BRCC3: variants seen among roughly 807,000 people sequenced by gnomAD.
The protein encoded by BRCC3 is lys-63-specific deubiquitinase BRCC36.
Under a neutral mutation model 28.0 loss-of-function variants are expected in BRCC3, and 15 were observed. The observed-to-expected ratio is 0.54, with a 90% CI of 0.36 to 0.82. The LOEUF is 0.82. BRCC3 is among the 40% of genes least tolerant of loss of function. BRCC3 has a pLI of 0.01. For synonymous variants in BRCC3, 66 were observed against 80.3 expected (o/e 0.82, Z 0.95); for missense variants, 109 against 225.9 (o/e 0.48, Z 3.32).
chrX:155,099,510 T>G, intron 7 of BRCC3: 12 of 980,033 alleles, frequency 1.2e-5, no homozygotes, highest in African/African-American at 3.8e-5. Context: ...CAAGTGGCCA[T>G]ACCTAAGCTG....
chrX:155,074,017 A>G (rs1002969691), intron 3 of BRCC3, among the ~76,000 whole-genome samples: 4 of 111,327 alleles, frequency 3.6e-5, no homozygotes, highest in African/African-American at 1.3e-4. Flanking sequence ...CCCTCCTCCC[A>G]CCAAGTTATC....
At chrX:155,100,364 A>G (rs1439799991) in intron 7 of BRCC3, among the ~76,000 whole-genome samples, 2 of 112,440 alleles carry the variant, frequency 1.8e-5, no homozygotes, top group Non-Finnish European at 3.8e-5. Flanking sequence ...TTACATCCAT[A>G]TAACAGAAGA....
rs2074390685 is a variant in BRCC3, at chrX:155,121,994, A to C, written c.*790A>C. 1 of 110,257 alleles carries C rather than the reference A, an allele frequency of 9.1e-6. No homozygotes were observed. Among genetic ancestry groups the C allele is most frequent in the Non-Finnish European group, 1.9e-5 (1 of 52,834 alleles). The allele number at this position is 110,257 out of a possible 1,213,427, so 9.1% of individuals were successfully genotyped here. A position where few individuals can be genotyped will look rare whatever the true frequency, so the allele number is the denominator to read the frequency against. Reference sequence around the variant, plus strand: ...AGTTTTTTTAAAAAATTAACTGGGCACCATGACACACACCAGTAGTCCCAG... The same window carrying C: ...AGTTTTTTTAAAAAATTAACTGGGCCCCATGACACACACCAGTAGTCCCAG... On this transcript the variant is annotated 3_prime_UTR_variant, in exon 11 of 11. Transcript: ENST00000330045.
chrX:155,084,792 G>A (rs1331476129), intron 5 of BRCC3, among the ~76,000 whole-genome samples: 1 of 110,810 alleles, frequency 9.0e-6, no homozygotes, highest in African/African-American at 3.3e-5. Context: ...GCAAGATGGC[G>A]AGCCTCTGTC....
Position 155,107,329 on chromosome X carries a change from T to G in BRCC3, c.549-8728T>G, listed in dbSNP as rs915770070. Among the ~76,000 whole-genome samples, 3 of 110,635 alleles carry G rather than the reference T, an allele frequency of 2.7e-5. No individual in the cohort carries two copies. In the Admixed American group the frequency reaches 2.9e-4, roughly 11 times the overall value. On this transcript the variant is annotated intron_variant, in intron 7 of 10. Coordinates refer to ENST00000330045, the MANE Select transcript of BRCC3 (RefSeq NM_001018055.3). ...AGTAGTATTTTTATTTATTTTTTTT[T>G]TTAAAAGTTCTTTAATTTTAGCACT...
intron 5 of BRCC3, among the ~76,000 whole-genome samples, chrX:155,085,955 C>A (rs1557294788): frequency 8.9e-6 from 1 of 111,910 alleles, no homozygotes; most frequent in Non-Finnish European, 1.9e-5. Context: ...GGTTCTTTCC[C>A]TTTAAGGGTT....
In BRCC3 at chrX:155,099,332, G is replaced by A. The variant is rs374320484; in HGVS notation, c.548+8493G>A. 31 of 1,206,591 alleles carry A rather than the reference G, an allele frequency of 2.6e-5. No homozygotes were observed. In the African/African-American group the frequency reaches 2.8e-4, roughly 11 times the overall value. ...ATCCTAAGGTCCCTTCATGGTCCAC[G>A]AGACTTCTGGAGCTCCAGCCAGCAC... On this transcript the variant is annotated intron_variant, in intron 7 of 10. Transcript: ENST00000330045.
intron 7 of BRCC3, among the ~76,000 whole-genome samples, chrX:155,111,202 A>G (rs893682243): frequency 6.4e-4 from 72 of 111,946 alleles, no homozygotes; most frequent in African/African-American, 2.2e-3. Flanking sequence ...AGCAAATGTA[A>G]ATTTTACAAC....
intron 3 of BRCC3, among the ~76,000 whole-genome samples, chrX:155,076,149 G>A (rs915464835): frequency 1.8e-5 from 2 of 112,066 alleles, no homozygotes; most frequent in Admixed American, 9.4e-5. Flanking sequence ...GGTGGGTTAT[G>A]CCTGTAATCC....
chrX:155,120,456 T>G (rs376822069), intron 10 of BRCC3, among the ~76,000 whole-genome samples: 3 of 112,323 alleles, frequency 2.7e-5, no homozygotes, highest in Admixed American at 9.4e-5. Context: ...TTTTAAACAT[T>G]TATATTTCCC....
At chrX:155,084,820 A>G (rs1325390405) in intron 5 of BRCC3, among the ~76,000 whole-genome samples, 1 of 109,905 alleles carries the variant, frequency 9.1e-6, no homozygotes, top group Non-Finnish European at 1.9e-5. Context: ...TTTTTTTTTA[A>G]TTAGCCAGGT....
At chrX:155,098,174 G>A (rs782462119) in intron 7 of BRCC3, among the ~76,000 whole-genome samples, 75 of 111,779 alleles carry the variant, frequency 6.7e-4, no homozygotes, top group Middle Eastern at 4.6e-3. Context: ...TGTCTTCCTA[G>A]TTTTCTAATA....
intron 9 of BRCC3, among the ~76,000 whole-genome samples, chrX:155,119,461 G>A (rs997889266): frequency 8.9e-6 from 1 of 112,380 alleles, no homozygotes; most frequent in Non-Finnish European, 1.9e-5. Context: ...AACAGTCACA[G>A]TAAAGCATAA....
chrX:155,113,482 C>A (rs1201363531), intron 7 of BRCC3, among the ~76,000 whole-genome samples: 8 of 110,771 alleles, frequency 7.2e-5, no homozygotes, highest in African/African-American at 1.3e-4. Context: ...TTATCTTACA[C>A]CGTATATAAA....
chrX:155,074,305 C>T (rs2074011432), intron 3 of BRCC3, among the ~76,000 whole-genome samples: 1 of 112,224 alleles, frequency 8.9e-6, no homozygotes, highest in African/African-American at 3.2e-5. Flanking sequence ...TTATATCCTT[C>T]CTTTAATAGC....
intron 7 of BRCC3, 22 bp downstream of exon 7, chrX:155,090,861 G>A: frequency 9.2e-7 from 1 of 1,087,603 alleles, no homozygotes; most frequent in Non-Finnish European, 1.3e-6. Flanking sequence ...AGAGACTTAT[G>A]TGTGTATTGG....
rs1557292750 is a variant in BRCC3, at chrX:155,072,374, T to C, written c.140+31T>C. 3.5e-6 allele frequency: 4 copies of C among 1,142,213 alleles called. No homozygotes were observed. In the South Asian group the frequency reaches 7.4e-5, roughly 21 times the overall value. 94.1% of individuals were successfully genotyped at this position (1,142,213 alleles called of 1,213,427 possible). On this transcript the variant is annotated intron_variant, in intron 2 of 10. Coordinates refer to ENST00000330045, the MANE Select transcript of BRCC3 (RefSeq NM_001018055.3). ...ACTGTATTTGTTTACTCATATCTTA[T>C]AATCTCTAAGTCATTGTTAACCTAA...
At chrX:155,099,051 T>A (rs1451301434) in intron 7 of BRCC3, among the ~76,000 whole-genome samples, 2 of 111,689 alleles carry the variant, frequency 1.8e-5, no homozygotes, top group Non-Finnish European at 3.8e-5. Context: ...TATGAAATAG[T>A]CCTCTTTGTC....
chrX:155,097,422 C>T (rs1383762674), intron 7 of BRCC3, among the ~76,000 whole-genome samples: 3 of 111,059 alleles, frequency 2.7e-5, no homozygotes, highest in Non-Finnish European at 3.8e-5. Context: ...ATCACTAATC[C>T]GAGAAATGCA....
Sources: allele counts gnomAD v4.1 joint callset (sites outside exome capture counted in the v4.1 genomes callset), GRCh38; gene constraint gnomAD v4.1.1; transcripts MANE v1.5; gene names NCBI Gene and HGNC (gene_info 2026-07-23, HGNC 2026-07-21).